Variants in FKBP15 observed in about 807,000 individuals in gnomAD.
The protein encoded by FKBP15 is FKBP prolyl isomerase family member 15.
In FKBP15, 106 loss-of-function variants were observed where a neutral mutation model predicts 158.1. The observed-to-expected ratio is 0.67, with a 90% CI of 0.57 to 0.79. FKBP15 has a LOEUF of 0.79. Among genes scored for constraint, FKBP15 ranks in the 30% least tolerant of loss-of-function variants. The pLI is 0.00. For synonymous variants in FKBP15, 547 were observed against 548.6 expected (o/e 1.00, Z 0.04); for missense variants, 1,287 against 1,479.1 (o/e 0.87, Z 2.13).
chr9:113,216,348 T>C (rs548108675), intron 1 of FKBP15, among the ~76,000 whole-genome samples: 5 of 152,326 alleles, frequency 3.3e-5, no homozygotes, highest in African/African-American at 1.2e-4. Flanking sequence ...ACAAAATAAA[T>C]TTTATATGAC....
Position 113,198,521 on chromosome 9 carries a change from G to A in FKBP15, c.717+334C>T, listed in dbSNP as rs1232174949. 6.6e-6 allele frequency among the ~76,000 whole-genome samples: 1 copy of A among 152,238 alleles called. No individual in the cohort carries two copies. The highest frequency in any genetic ancestry group is 2.4e-5 in the African/African-American group (1 of 41,476). On this transcript the variant is annotated intron_variant, in intron 8 of 27. Coordinates refer to ENST00000238256, the MANE Select transcript of FKBP15 (RefSeq NM_015258.2). The surrounding 1 kb of genome is among the most constrained non-coding windows in gnomAD (Gnocchi z 5.2). ...TAATCCCGGCACTTTGGGAGGCTGA[G>A]GCGGGTGGATCACCTGATGTCGGGA...
chr9:113,212,755 G>C (rs563383241), intron 1 of FKBP15, among the ~76,000 whole-genome samples: 1 of 151,964 alleles, frequency 6.6e-6, no homozygotes, highest in Non-Finnish European at 1.5e-5. Context: ...ATGTCTCCAG[G>C]GCTTCATACT....
intron 1 of FKBP15, among the ~76,000 whole-genome samples, chr9:113,215,866 G>C (rs1831120501): frequency 6.6e-6 from 1 of 150,854 alleles, no homozygotes; most frequent in South Asian, 2.1e-4. Flanking sequence ...GGCCAGGCTG[G>C]TTGCAAACTC....
chr9:113,213,598 A>G, intron 1 of FKBP15, among the ~76,000 whole-genome samples: 1 of 148,630 alleles, frequency 6.7e-6, no homozygotes, highest in Non-Finnish European at 1.5e-5. Context: ...AAAAAAAAGG[A>G]TTACTAGATT....
In FKBP15 at chr9:113,171,692, C is replaced by T. The variant is rs1166315295; in HGVS notation, c.2547G>A (p.Gln849=). ...GCTTGGTGAGAGCTGTGATTTGGGC[C>T]TGGAGGGCTAAACACTGCAAAACAA... ...VQLQEKCLAL[Q]AQITALTKQN... is the part of the protein sequence containing the mutation. The change falls in exon 24 of 28, where the codon CAG becomes CAA. Residue 849 remains glutamine, a synonymous_variant. Coordinates refer to ENST00000238256, the MANE Select transcript of FKBP15 (RefSeq NM_015258.2). The T allele has an allele frequency of 5.6e-6, 9 of 1,596,118 alleles. No individual in the cohort carries two copies. The highest frequency in any genetic ancestry group is 2.3e-5 in the East Asian group (1 of 44,306).
chr9:113,162,716 A>G lies in FKBP15; in HGVS notation c.*3362T>C. 1 of 1,587,956 alleles carries G rather than the reference A, an allele frequency of 6.3e-7. No homozygotes were observed. The highest frequency in any genetic ancestry group is 8.6e-7 in the Non-Finnish European group (1 of 1,165,168). On this transcript the variant is annotated 3_prime_UTR_variant, in exon 28 of 28. Coordinates refer to ENST00000238256, the MANE Select transcript of FKBP15 (RefSeq NM_015258.2). The stretch of plus-strand genomic sequence containing the variant: ...CCAGCTTCCTCATTACCAGCTCATT[A>G]CCAGGATTAACTTGCTTCTCCTTTT...
rs74861691 is a variant in FKBP15, at chr9:113,213,301, C to T, written c.54-1709G>A. Reference sequence around the variant, plus strand: ...GCACGCACCTGTAATCCCAGCTACTCGGGAGGCTGAGGCAGGAGAATCGCC... The same window carrying T: ...GCACGCACCTGTAATCCCAGCTACTTGGGAGGCTGAGGCAGGAGAATCGCC... On this transcript the variant is annotated intron_variant, in intron 1 of 27. Coordinates refer to ENST00000238256, the MANE Select transcript of FKBP15 (RefSeq NM_015258.2). 7.2e-3 allele frequency among the ~76,000 whole-genome samples: 1,090 copies of T among 151,838 alleles called. 26 individuals carry two copies. Among genetic ancestry groups the T allele is most frequent in the East Asian group, 0.044 (229 of 5,160 alleles).
At position 113,174,489 on chromosome 9, in the gene FKBP15, T is replaced by C. The variant is rs1564153986; in HGVS notation, c.2318A>G (p.Asp773Gly). 3 of 1,614,024 alleles carry C rather than the reference T, an allele frequency of 1.9e-6. No individual in the cohort carries two copies. The highest frequency in any genetic ancestry group is 8.5e-7 in the Non-Finnish European group (1 of 1,179,892). The stretch of plus-strand genomic sequence containing the variant: ...CTTTTTCAAGAGCTGTCGAAGTTTG[T>C]CCAATTCCTCCTGGTATGACTTGCG... The part of the protein sequence containing the change: ...EIRKSYQEEL[D>G]KLRQLLKKTR... The change falls in exon 22 of 28, where the codon GAC becomes GGC. Residue 773 changes from aspartate (D) to glycine (G), a missense_variant. Physicochemically the swap from Asp to Gly is moderately conservative, Grantham distance 94. Transcript: ENST00000238256.
At position 113,161,483 on chromosome 9, in the gene FKBP15, C is replaced by T. The variant is rs751884051; in HGVS notation, c.*4595G>A. 1.1e-5 allele frequency: 17 copies of T among 1,611,604 alleles called. No individual in the cohort carries two copies. The highest frequency in any genetic ancestry group is 1.4e-5 in the Non-Finnish European group (17 of 1,178,650). ...GGAAACAGTGCTGGCCTGGCCAGGT[C>T]TCCACAACTCTGCCTCCTTTGACAG... On this transcript the variant is annotated 3_prime_UTR_variant, in exon 28 of 28. Transcript: ENST00000238256.
At chr9:113,197,985 A>G (rs988797695) in intron 8 of FKBP15, among the ~76,000 whole-genome samples, 3 of 152,240 alleles carry the variant, frequency 2.0e-5, no homozygotes, top group African/African-American at 7.2e-5. Flanking sequence ...ACACAGATGA[A>G]TGAGTACAGC....
At chr9:113,208,755 C>G (rs1165730788) in intron 2 of FKBP15, among the ~76,000 whole-genome samples, 2 of 146,162 alleles carry the variant, frequency 1.4e-5, no homozygotes, top group East Asian at 1.9e-4. Context: ...ACAGGTAATC[C>G]CAGCACTTTG....
intron 18 of FKBP15, among the ~76,000 whole-genome samples, chr9:113,183,178 A>C (rs1178565458): frequency 1.3e-5 from 2 of 152,014 alleles, no homozygotes; most frequent in African/African-American, 4.8e-5. Context: ...GAAGAAGAGA[A>C]AGCCACTCCC....
intron 20 of FKBP15, among the ~76,000 whole-genome samples, 153 bp downstream of exon 20, chr9:113,178,477 A>G (rs1830335191): frequency 6.6e-6 from 1 of 152,192 alleles, no homozygotes; most frequent in Non-Finnish European, 1.5e-5. Flanking sequence ...CTGTAAAACA[A>G]TCATGTAGGT....
chr9:113,161,577 G>A lies in FKBP15; in HGVS notation c.*4501C>T. The A allele has an allele frequency of 6.2e-7, 1 of 1,614,056 alleles. No individual in the cohort carries two copies. Among genetic ancestry groups the A allele is most frequent in the Non-Finnish European group, 8.5e-7 (1 of 1,179,898 alleles). Reference sequence around the variant, plus strand: ...GTATGAAGGCATCAAGGTTGGCAAAGCCAAGCTGCTCAACCAGGTACTGGT... The same window carrying A: ...GTATGAAGGCATCAAGGTTGGCAAAACCAAGCTGCTCAACCAGGTACTGGT... On this transcript the variant is annotated 3_prime_UTR_variant, in exon 28 of 28. Transcript: ENST00000238256.
At chr9:113,194,492 T>C (rs1830635266) in intron 9 of FKBP15, among the ~76,000 whole-genome samples, 1 of 149,896 alleles carries the variant, frequency 6.7e-6, no homozygotes, top group Non-Finnish European at 1.5e-5. Flanking sequence ...AGGTTACAAA[T>C]ACCCTTCCCC....
At chr9:113,168,650 T>G in intron 26 of FKBP15, 94 bp from the exon 27 acceptor site, 66 of 1,026,786 alleles carry the variant, frequency 6.4e-5, no homozygotes, top group Non-Finnish European at 9.0e-5. Context: ...TGGGTAAGAA[T>G]TCAACAGCGT....
At chr9:113,187,734 A>T (rs1830508712) in intron 14 of FKBP15, 59 bp downstream of exon 14, 1 of 1,320,590 alleles carries the variant, frequency 7.6e-7, no homozygotes, top group Non-Finnish European at 1.1e-6. Flanking sequence ...AGAAGAAAAG[A>T]GACTGACTAG....
Position 113,184,386 on chromosome 9 carries a change from T to C in FKBP15, c.1622A>G (p.Gln541Arg), listed in dbSNP as rs1830450946. 1 of 1,602,924 alleles carries C rather than the reference T, an allele frequency of 6.2e-7. No individual in the cohort carries two copies. The highest frequency in any genetic ancestry group is 1.1e-5 in the South Asian group (1 of 89,064). The change falls in exon 17 of 28, where the codon CAG (glutamine) becomes CGG (arginine). Residue 541 changes from glutamine (Q) to arginine (R), a missense_variant. Physicochemically the swap from Gln to Arg is conservative, Grantham distance 43. Transcript: ENST00000238256. The surrounding 1 kb of genome is among the most constrained non-coding windows in gnomAD (Gnocchi z 4.5). ...CATGGAATTGCCAGCACTATGTTTCTGTAACTCTTCAACCTACAAAAGGGA... is the reference window on the plus strand; with the variant it reads ...CATGGAATTGCCAGCACTATGTTTCCGTAACTCTTCAACCTACAAAAGGGA... ...DHLMTKVEEL[Q>R]KHSAGNSMLI...
At chr9:113,217,888 C>T (rs1831171636) in intron 1 of FKBP15, among the ~76,000 whole-genome samples, 1 of 151,790 alleles carries the variant, frequency 6.6e-6, no homozygotes, top group African/African-American at 2.4e-5. Flanking sequence ...TAGATTTTTC[C>T]ACTACTAAGG....
Sources: gnomAD v4.1 joint callset for allele counts (sites outside exome capture counted in the v4.1 genomes callset) on GRCh38, gnomAD v4.1.1 for gene constraint, Gnocchi (gnomAD v3.1) non-coding constraint, MANE v1.5 for transcripts, NCBI Gene and HGNC (gene_info 2026-07-23, HGNC 2026-07-21) for gene names.